The following CEP128 variants were observed in gnomAD, a reference collection of about 807,000 sequenced individuals.
CEP128 encodes the protein centrosomal protein 128.
Under a neutral mutation model 156.7 loss-of-function variants are expected in CEP128, and 132 were observed. That is an observed-to-expected ratio of 0.84 (90% CI 0.73 to 0.97). The LOEUF (loss-of-function observed/expected upper bound fraction) is 0.97. CEP128 is among the 50% of genes least tolerant of loss of function. CEP128 has a pLI of 0.00. For missense variants in CEP128, 1,252 were observed against 1,281.9 expected (o/e 0.98, Z 0.36); for synonymous variants, 469 against 448.9 (o/e 1.04, Z -0.57).
intron 2 of CEP128, among the ~76,000 whole-genome samples, chr14:80,953,401 T>C (rs1034821164): frequency 2.2e-4 from 33 of 151,626 alleles, no homozygotes; most frequent in African/African-American, 7.8e-4. Flanking sequence ...CTGGCCAACA[T>C]GGTGAAACCC....
intron 20 of CEP128, among the ~76,000 whole-genome samples, chr14:80,566,886 T>C (rs937227193): frequency 4.2e-5 from 6 of 142,564 alleles, no homozygotes; most frequent in African/African-American, 1.6e-4. Context: ...AAAGATTTTG[T>C]CTGAAAAGTT....
At chr14:80,664,819 A>G (rs1445252324) in intron 19 of CEP128, among the ~76,000 whole-genome samples, 1 of 152,228 alleles carries the variant, frequency 6.6e-6, no homozygotes, top group East Asian at 1.9e-4. Flanking sequence ...CCGGAAACCA[A>G]TGAGCAAACA....
chr14:80,647,887 T>A (rs1331794135), intron 19 of CEP128, among the ~76,000 whole-genome samples: 1 of 152,086 alleles, frequency 6.6e-6, no homozygotes, highest in Admixed American at 6.6e-5. Context: ...GGGGAGATAT[T>A]ATGCCTGATC....
chr14:80,909,460 A>T (rs1884082991), intron 4 of CEP128, among the ~76,000 whole-genome samples: 1 of 152,108 alleles, frequency 6.6e-6, no homozygotes, highest in African/African-American at 2.4e-5. Context: ...ACAGAAGAAC[A>T]TTAAAGAACA....
intron 19 of CEP128, among the ~76,000 whole-genome samples, chr14:80,708,848 T>A (rs1953642384): frequency 6.6e-6 from 1 of 152,108 alleles, no homozygotes; most frequent in African/African-American, 2.4e-5. Context: ...GATCTAATTT[T>A]TATATTTTTC....
chr14:80,504,552 T>G (rs1887881422), intron 24 of CEP128, among the ~76,000 whole-genome samples: 1 of 152,212 alleles, frequency 6.6e-6, no homozygotes, highest in South Asian at 2.1e-4. Flanking sequence ...TTCTCAACAT[T>G]TATATGCAAA....
chr14:80,592,884 A>G (rs113148886), intron 19 of CEP128, among the ~76,000 whole-genome samples: 20,535 of 152,212 alleles, frequency 0.13, 1,485 homozygotes, highest in South Asian at 0.25. Flanking sequence ...TGTAAATAGA[A>G]CCAACAACAA....
intron 16 of CEP128, among the ~76,000 whole-genome samples, chr14:80,769,452 C>T (rs994603751): frequency 2.0e-5 from 3 of 152,002 alleles, no homozygotes; most frequent in Non-Finnish European, 1.5e-5. Flanking sequence ...CGACAGGCCC[C>T]GGTGTGTGAC....
intron 19 of CEP128, among the ~76,000 whole-genome samples, chr14:80,645,439 T>C (rs1316062806): frequency 6.6e-6 from 1 of 152,004 alleles, no homozygotes; most frequent in Non-Finnish European, 1.5e-5. Context: ...ATGGTAAAAA[T>C]GAAGATAATT....
intron 7 of CEP128, among the ~76,000 whole-genome samples, chr14:80,896,451 C>G (rs10148517): frequency 0.065 from 9,951 of 152,216 alleles, 1,080 homozygotes; most frequent in African/African-American, 0.23. Context: ...TCATCATGTT[C>G]AACTCGAGAC....
intron 19 of CEP128, among the ~76,000 whole-genome samples, chr14:80,705,702 T>C (rs927351756): frequency 1.3e-5 from 2 of 152,122 alleles, no homozygotes; most frequent in South Asian, 4.1e-4. Flanking sequence ...CCTGGGACAC[T>C]TGTGCTTGGA....
intron 9 of CEP128, among the ~76,000 whole-genome samples, chr14:80,849,058 G>A (rs180733187): frequency 6.6e-6 from 1 of 152,288 alleles, no homozygotes; most frequent in African/African-American, 2.4e-5. Flanking sequence ...AGATGTAGTG[G>A]TAGGAAATGA....
chr14:80,616,001 A>G (rs1327535959), intron 19 of CEP128, among the ~76,000 whole-genome samples: 2 of 152,254 alleles, frequency 1.3e-5, no homozygotes, highest in Admixed American at 6.5e-5. Flanking sequence ...AGAAGCTCAA[A>G]TACAGAAAGA....
intron 2 of CEP128, among the ~76,000 whole-genome samples, chr14:80,926,455 C>T (rs879900342): frequency 5.3e-5 from 8 of 152,176 alleles, no homozygotes; most frequent in Non-Finnish European, 7.3e-5. Flanking sequence ...ATTACCCCTG[C>T]GACCAGGGAA....
chr14:80,826,728 T>G (rs1294543555), intron 13 of CEP128, among the ~76,000 whole-genome samples: 3 of 152,236 alleles, frequency 2.0e-5, no homozygotes, highest in Non-Finnish European at 4.4e-5. Flanking sequence ...ATTATCACTT[T>G]CAACATTTAA....
intron 19 of CEP128, among the ~76,000 whole-genome samples, chr14:80,738,139 G>A (rs1038653629): frequency 6.6e-6 from 1 of 152,174 alleles, no homozygotes; most frequent in African/African-American, 2.4e-5. Context: ...TGCAGAATAA[G>A]TGATAGACGA....
At chr14:80,667,310 G>A (rs1895657674) in intron 19 of CEP128, among the ~76,000 whole-genome samples, 1 of 152,174 alleles carries the variant, frequency 6.6e-6, no homozygotes, top group African/African-American at 2.4e-5. Flanking sequence ...GCAACAGTGT[G>A]GCCGAGGGGC....
chr14:80,940,838 A>G (rs2139634717), intron 1 of CEP128, among the ~76,000 whole-genome samples: 1 of 152,300 alleles, frequency 6.6e-6, no homozygotes, highest in African/African-American at 2.4e-5. Context: ...CTCACACTGT[A>G]TTTGTATTAG....
At chr14:80,948,430 T>C (rs1594879057) in intron 2 of CEP128, among the ~76,000 whole-genome samples, 1 of 152,210 alleles carries the variant, frequency 6.6e-6, no homozygotes. Context: ...CAGTAATTCA[T>C]ATGCATTTAG....
Sources: allele counts gnomAD v4.1 joint callset (sites outside exome capture counted in the v4.1 genomes callset), GRCh38; gene constraint gnomAD v4.1.1; transcripts MANE v1.5; gene names NCBI Gene and HGNC (gene_info 2026-07-23, HGNC 2026-07-21).